The following PRKCG variants were observed in gnomAD, a reference collection of about 807,000 sequenced individuals.
PRKCG encodes protein kinase C gamma type.
Under a neutral mutation model 82.0 loss-of-function variants are expected in PRKCG, and 28 were observed. The ratio of observed to expected loss-of-function variants is 0.34; its 90% confidence interval spans 0.25 to 0.47. PRKCG has a LOEUF of 0.47. Among genes scored for constraint, PRKCG ranks in the 20% least tolerant of loss-of-function variants. PRKCG has a pLI of 1.00. For synonymous variants in PRKCG, 383 were observed against 376.6 expected (o/e 1.02, Z -0.20); for missense variants, 640 against 952.7 (o/e 0.67, Z 4.32).
chr19:53,887,086 T>A (rs1282241073), intron 3 of PRKCG, among the ~76,000 whole-genome samples: 2 of 151,958 alleles, frequency 1.3e-5, no homozygotes, highest in African/African-American at 2.4e-5. Context: ...TTTTTTTTGC[T>A]GTTGAGACAG....
intron 15 of PRKCG, 133 bp from the exon 16 acceptor site, chr19:53,904,502 A>G: frequency 1.4e-6 from 1 of 728,954 alleles, no homozygotes; most frequent in South Asian, 1.5e-5. Context: ...ATCTCTCCTG[A>G]GGGTGTGGTC....
chr19:53,905,260 C>T (rs1363443497), intron 16 of PRKCG, among the ~76,000 whole-genome samples: 3 of 152,132 alleles, frequency 2.0e-5, no homozygotes, highest in African/African-American at 7.2e-5. Flanking sequence ...CATCTGCATA[C>T]GATGGGGCTC....
chr19:53,900,194 A>G lies in PRKCG; in HGVS notation c.1282-39A>G. On this transcript the variant is annotated intron_variant, in intron 11 of 17. Coordinates refer to ENST00000263431, the MANE Select transcript of PRKCG (RefSeq NM_002739.5). The surrounding 1 kb of genome is among the most constrained non-coding windows in gnomAD (Gnocchi z 4.2). ...GGAAAGAAATTCTCCTACTCTGGGT[A>G]GATGGATCCCGCCTCTAAGCCCATG... 1 of 1,563,500 alleles carries G rather than the reference A, an allele frequency of 6.4e-7. No individual in the cohort carries two copies.
In PRKCG at chr19:53,894,129, G is replaced by A. The variant is rs553475954; in HGVS notation, c.939+738G>A. ...CGCCCAGGCTGGAGTGCAGTGGTGC[G>A]ATCTCGGCTCACTGCAAGCTCCGCC... On this transcript the variant is annotated intron_variant, in intron 9 of 17. Transcript: ENST00000263431. 3.5e-4 allele frequency among the ~76,000 whole-genome samples: 53 copies of A among 150,808 alleles called. 1 individual carries two copies. In the East Asian group the frequency reaches 9.3e-3, roughly 26 times the overall value.
At position 53,892,460 on chromosome 19, in the gene PRKCG, G is replaced by A; in HGVS notation, c.687-49G>A. 1 of 1,592,786 alleles carries A rather than the reference G, an allele frequency of 6.3e-7. No individual in the cohort carries two copies. Among genetic ancestry groups the A allele is most frequent in the Non-Finnish European group, 8.5e-7 (1 of 1,173,934 alleles). On this transcript the variant is annotated intron_variant, in intron 6 of 17. Transcript: ENST00000263431. The surrounding 1 kb of genome is among the most constrained non-coding windows in gnomAD (Gnocchi z 5.9). ...CCAGCACCAAGGATGGGGAACCGAG[G>A]GGAGCCATGAGCTCGGCTCTGCACC...
rs1168288829 is a variant in PRKCG at position 53,907,060 on chromosome 19, C to A, written c.*165C>A. The A allele has an allele frequency of 1.3e-5, 19 of 1,466,706 alleles. No homozygotes were observed. In the East Asian group the frequency reaches 1.7e-4, roughly 13 times the overall value. 90.9% of individuals were successfully genotyped at this position (1,466,706 alleles called of 1,614,324 possible). ...AGACGCCCCTCCCAAGCGTTCCTGGCCTTCTGAACTCCATACAGCCTCTAC... is the reference window on the plus strand; with the variant it reads ...AGACGCCCCTCCCAAGCGTTCCTGGACTTCTGAACTCCATACAGCCTCTAC... On this transcript the variant is annotated 3_prime_UTR_variant, in exon 18 of 18. Coordinates refer to ENST00000263431, the MANE Select transcript of PRKCG (RefSeq NM_002739.5).
At chr19:53,904,273 G>A (rs1412260983) in intron 15 of PRKCG, among the ~76,000 whole-genome samples, 1 of 151,646 alleles carries the variant, frequency 6.6e-6, no homozygotes, top group African/African-American at 2.4e-5. Flanking sequence ...TCAGAAGACT[G>A]TGAACTACTC....
Position 53,900,864 on chromosome 19 carries a change from G to C in PRKCG, c.1575+115G>C. On this transcript the variant is annotated intron_variant, in intron 14 of 17. Coordinates refer to ENST00000263431, the MANE Select transcript of PRKCG (RefSeq NM_002739.5). The surrounding 1 kb of genome is among the most constrained non-coding windows in gnomAD (Gnocchi z 4.2). ...CCCTCAGACCTTGTCATGAGTTGTG[G>C]CCTTCTTACACAGCCAGTCGTTCCT... 1 of 1,546,862 alleles carries C rather than the reference G, an allele frequency of 6.5e-7. No homozygotes were observed. Among genetic ancestry groups the C allele is most frequent in the Admixed American group, 1.7e-5 (1 of 59,842 alleles).
chr19:53,903,706 GTGT>G (rs2068781356), intron 15 of PRKCG, among the ~76,000 whole-genome samples: 1 of 152,174 alleles, frequency 6.6e-6, no homozygotes, highest in Admixed American at 6.6e-5. Context: ...GTATGCCACT[GTGT>G]TCCAGCACAG....
At position 53,906,948 on chromosome 19, in the gene PRKCG, C is replaced by T. The variant is rs1396917192; in HGVS notation, c.*53C>T. 4 of 1,610,248 alleles carry T rather than the reference C, an allele frequency of 2.5e-6. No individual in the cohort carries two copies. The highest frequency in any genetic ancestry group is 1.7e-6 in the Non-Finnish European group (2 of 1,178,720). On this transcript the variant is annotated 3_prime_UTR_variant, in exon 18 of 18. Coordinates refer to ENST00000263431, the MANE Select transcript of PRKCG (RefSeq NM_002739.5). The stretch of plus-strand genomic sequence containing the variant: ...AACGTCCCCTCCGCCGTGCCGGCGG[C>T]AGCCCCACTTCACCCCCAACTTCAC...
rs1405453506 is a variant in PRKCG at position 53,900,835 on chromosome 19, C to T, written c.1575+86C>T. 1 of 1,597,518 alleles carries T rather than the reference C, an allele frequency of 6.3e-7. No individual in the cohort carries two copies. The highest frequency in any genetic ancestry group is 1.7e-5 in the Admixed American group (1 of 59,984). On this transcript the variant is annotated intron_variant, in intron 14 of 17. Coordinates refer to ENST00000263431, the MANE Select transcript of PRKCG (RefSeq NM_002739.5). The surrounding 1 kb of genome is among the most constrained non-coding windows in gnomAD (Gnocchi z 4.2). ...GTCCAGTATTCACCACGGGTGAGGCCTGACCCTCAGACCTTGTCATGAGTT... is the reference window on the plus strand; with the variant it reads ...GTCCAGTATTCACCACGGGTGAGGCTTGACCCTCAGACCTTGTCATGAGTT...
intron 11 of PRKCG, among the ~76,000 whole-genome samples, chr19:53,899,392 C>T (rs2068746038): frequency 6.6e-6 from 1 of 152,076 alleles, no homozygotes; most frequent in South Asian, 2.1e-4. Flanking sequence ...GAATTGGGCT[C>T]CGAGTGACGG....
At chr19:53,903,341 T>C (rs1465687062) in intron 15 of PRKCG, among the ~76,000 whole-genome samples, 188 bp downstream of exon 15, 1 of 152,162 alleles carries the variant, frequency 6.6e-6, no homozygotes, top group Non-Finnish European at 1.5e-5. Context: ...TCTGTTACCA[T>C]GGATTCTTTC....
rs914267105 is a variant in PRKCG, at chr19:53,883,520, G to GC, written c.202+335dup. Among the ~76,000 whole-genome samples, 544 of 150,106 alleles carry GC rather than the reference G, an allele frequency of 3.6e-3. 3 individuals are homozygous for GC. The highest frequency in any genetic ancestry group is 0.01 in the African/African-American group (414 of 40,740). ...AGGGGGCTGGAGATGCAAAGTCAGA[G>GC]CCCCCCCCCACCCCAGGCTGCCGTC... On this transcript the variant is annotated intron_variant, in intron 2 of 17. Transcript: ENST00000263431. The surrounding 1 kb of genome is among the most constrained non-coding windows in gnomAD (Gnocchi z 5.4).
At position 53,889,513 on chromosome 19, in the gene PRKCG, G is replaced by A. The variant is rs1191714356; in HGVS notation, c.286-125G>A. ...GGTGCTCAATGATTATTGGTACATA[G>A]AGTGAAAGAGATGGAGCCTCAGGCT... On this transcript the variant is annotated intron_variant, in intron 3 of 17. Coordinates refer to ENST00000263431, the MANE Select transcript of PRKCG (RefSeq NM_002739.5). The surrounding 1 kb of genome is among the most constrained non-coding windows in gnomAD (Gnocchi z 4.4). 5 of 725,214 alleles carry A rather than the reference G, an allele frequency of 6.9e-6. No homozygotes were observed. Among genetic ancestry groups the A allele is most frequent in the African/African-American group, 5.3e-5 (3 of 56,522 alleles). 44.9% of individuals were successfully genotyped at this position (725,214 alleles called of 1,614,324 possible). A position where few individuals can be genotyped will look rare whatever the true frequency, so the allele number is the denominator to read the frequency against.
At chr19:53,888,162 C>T (rs2068646011) in intron 3 of PRKCG, among the ~76,000 whole-genome samples, 1 of 152,164 alleles carries the variant, frequency 6.6e-6, no homozygotes. Flanking sequence ...CGGCAGGAAC[C>T]CTTTGAGTTA....
At chr19:53,881,302 A>AGAGAGG (rs1303290467), upstream of PRKCG, among the ~76,000 whole-genome samples, 1 of 152,068 alleles carries the variant, frequency 6.6e-6, no homozygotes, top group Admixed American at 6.6e-5. Context: ...AGGTGAGGAG[A>AGAGAGG]GAGAGGGAGA....
In PRKCG at chr19:53,907,363, C is replaced by G. The variant is rs542844160; in HGVS notation, c.*468C>G. ...AGTTCTAGATGAGTGGGAGGCGTGC[C>G]CCCCTCCTCCAGTACGTCCCGCTGC... On this transcript the variant is annotated 3_prime_UTR_variant, in exon 18 of 18. Coordinates refer to ENST00000263431, the MANE Select transcript of PRKCG (RefSeq NM_002739.5). 2.8e-5 allele frequency: 6 copies of G among 211,174 alleles called. No individual in the cohort carries two copies. In the East Asian group the frequency reaches 6.4e-4, roughly 22 times the overall value. The allele number at this position is 211,174 out of a possible 1,614,324, so 13.1% of individuals were successfully genotyped here.
chr19:53,882,927 C>T lies in PRKCG; in HGVS notation c.171-236C>T, dbSNP rs1263774866. ...TCTGAGGGAGGAAGGGCCTGGGGGG[C>T]TGGGAGCCTGGATTCCTGGGTCTGA... is the stretch of plus-strand genomic sequence containing the variant. On this transcript the variant is annotated intron_variant, in intron 1 of 17. Transcript: ENST00000263431. The surrounding 1 kb of genome is among the most constrained non-coding windows in gnomAD (Gnocchi z 6.1). 6.6e-6 allele frequency among the ~76,000 whole-genome samples: 1 copy of T among 151,786 alleles called. No homozygotes were observed. Among genetic ancestry groups the T allele is most frequent in the Non-Finnish European group, 1.5e-5 (1 of 67,944 alleles).
Sources: allele counts gnomAD v4.1 joint callset (sites outside exome capture counted in the v4.1 genomes callset), GRCh38; gene constraint gnomAD v4.1.1; non-coding constraint Gnocchi (gnomAD v3.1); transcripts MANE v1.5; gene names NCBI Gene and HGNC (gene_info 2026-07-23, HGNC 2026-07-21).